NUB1: variants seen among roughly 807,000 people sequenced by gnomAD.
The protein encoded by NUB1 is negative regulator of ubiquitin like proteins 1, also known as NEDD8 ultimate buster 1.
NUB1 carries 41 observed loss-of-function variants against 77.1 expected under a neutral mutation model. The observed-to-expected ratio is 0.53, with a 90% CI of 0.41 to 0.69. The LOEUF (loss-of-function observed/expected upper bound fraction) is 0.69. NUB1 is among the 30% of genes least tolerant of loss of function. NUB1 has a pLI of 0.00. For synonymous variants in NUB1, 257 were observed against 281.0 expected, an observed-to-expected ratio of 0.91 and a Z score of 0.85; for missense variants, 643 against 743.8, an observed-to-expected ratio of 0.86 and a Z score of 1.58.
Position 151,375,834 on chromosome 7 carries a change from C to A in NUB1, c.1396-14C>A, listed in dbSNP as rs1223156586. ...TTCTTAGTGATGGGTAAAGGGTGTT[C>A]CTGTGTGTTTTAGATTCTGCTCAGC... On this transcript the variant is annotated splice_polypyrimidine_tract_variant and intron_variant, in intron 12 of 14. Coordinates refer to ENST00000568733, the MANE Select transcript of NUB1 (RefSeq NM_001243351.2). 4 of 1,558,926 alleles carry A rather than the reference C, an allele frequency of 2.6e-6. No individual in the cohort carries two copies. In the South Asian group the frequency reaches 3.3e-5, roughly 13 times the overall value.
intron 3 of NUB1, among the ~76,000 whole-genome samples, chr7:151,349,858 G>T (rs1796701566): frequency 1.3e-5 from 2 of 152,246 alleles, no homozygotes; most frequent in South Asian, 4.1e-4. Context: ...ACAAGACAAA[G>T]AGATAGAAGA....
intron 7 of NUB1, among the ~76,000 whole-genome samples, chr7:151,357,703 T>A (rs1377381055): frequency 6.6e-6 from 1 of 150,858 alleles, no homozygotes; most frequent in African/African-American, 2.4e-5. Flanking sequence ...TTCGCCTCCC[T>A]GGTTCAAGCA....
At chr7:151,376,839 T>C (rs1220843244) in intron 14 of NUB1, 28 bp downstream of exon 14, 2 of 1,552,366 alleles carry the variant, frequency 1.3e-6, no homozygotes, top group South Asian at 1.2e-5. Context: ...GAGGGCCGCA[T>C]TGAGAGCAAA....
chr7:151,363,354 A>G (rs1797477257), intron 8 of NUB1, among the ~76,000 whole-genome samples: 1 of 152,214 alleles, frequency 6.6e-6, no homozygotes, highest in African/African-American at 2.4e-5. Flanking sequence ...TGAAAAGTAC[A>G]TTAGGTGGGA....
chr7:151,355,627 C>A, intron 5 of NUB1, 141 bp from the exon 6 acceptor site: 1 of 786,342 alleles, frequency 1.3e-6, no homozygotes, highest in Non-Finnish European at 2.0e-6. Flanking sequence ...GAGCCATGAT[C>A]GTGTCACTGC....
intron 11 of NUB1, 129 bp downstream of exon 11, chr7:151,369,016 T>A (rs1033540156): frequency 5.4e-6 from 6 of 1,106,496 alleles, no homozygotes; most frequent in Non-Finnish European, 7.4e-6. Flanking sequence ...CTTGTCCTTT[T>A]TTTTTTCTTG....
At chr7:151,343,889 T>G (rs1260424417) in intron 1 of NUB1, among the ~76,000 whole-genome samples, 1 of 151,980 alleles carries the variant, frequency 6.6e-6, no homozygotes, top group Non-Finnish European at 1.5e-5. Flanking sequence ...AGTGTTAGAT[T>G]TGAATAGTAG....
At chr7:151,342,117 C>G (rs1024139664) in intron 1 of NUB1, among the ~76,000 whole-genome samples, 1 of 152,148 alleles carries the variant, frequency 6.6e-6, no homozygotes, top group Non-Finnish European at 1.5e-5. Flanking sequence ...TTGAGTGTAT[C>G]GGTTTGGGGA....
intron 1 of NUB1, among the ~76,000 whole-genome samples, chr7:151,344,986 C>T (rs926499862): frequency 3.9e-5 from 6 of 151,966 alleles, no homozygotes; most frequent in South Asian, 2.1e-4. Flanking sequence ...GGCGACAGAG[C>T]GAGACTCCGT....
chr7:151,352,362 TG>T (rs1238549507), intron 4 of NUB1: 1 of 303,178 alleles, frequency 3.3e-6, no homozygotes, highest in African/African-American at 2.2e-5. Context: ...TTTATTGTGA[TG>T]TTTGTGAGTC....
rs763671505 is a variant in NUB1, at chr7:151,375,960, T to C, written c.1491+17T>C. 1.3e-6 allele frequency: 2 copies of C among 1,554,582 alleles called. No individual in the cohort carries two copies. The highest frequency in any genetic ancestry group is 1.7e-5 in the Admixed American group (1 of 59,906). On this transcript the variant is annotated intron_variant, in intron 13 of 14. Transcript: ENST00000568733. ...ATTGACCGAGTGAGTGACAGGCCTT[T>C]GTGCCCTCAGCTTGGACAGCCTCGG...
chr7:151,373,728 C>A (rs1299155537), intron 11 of NUB1, among the ~76,000 whole-genome samples: 1 of 152,250 alleles, frequency 6.6e-6, no homozygotes. Context: ...CTACCCGGTT[C>A]CTACCTGGTT....
At chr7:151,369,385 C>T (rs529734937) in intron 11 of NUB1, among the ~76,000 whole-genome samples, 1 of 152,156 alleles carries the variant, frequency 6.6e-6, no homozygotes, top group Non-Finnish European at 1.5e-5. Context: ...TGGTGGCAAA[C>T]GGTCCCCTCT....
rs1295256087 is a variant in NUB1 at position 151,351,481 on chromosome 7, A to G, written c.343A>G (p.Lys115Glu). The G allele has an allele frequency of 6.2e-7, 1 of 1,611,566 alleles. No individual in the cohort carries two copies. The highest frequency in any genetic ancestry group is 8.5e-7 in the Non-Finnish European group (1 of 1,178,172). The change falls in exon 4 of 15, where the codon AAA (lysine) becomes GAA (glutamate). Residue 115 changes from lysine (K) to glutamate (E), a missense_variant and splice_region_variant. Coordinates refer to ENST00000568733, the MANE Select transcript of NUB1 (RefSeq NM_001243351.2). ...CATCACTGGCAGAGAACTGAGGTCC[A>G]AGTAAGTATCTGTGTGCTCTGTGTC... The part of the protein sequence containing the change: ...LHITGRELRS[K>E]IAETFGLQEN...
rs1482927451 is a variant in NUB1 at position 151,374,015 on chromosome 7, G to A, written c.1249-82G>A. The A allele has an allele frequency of 2.4e-4, 349 of 1,429,734 alleles. 1 individual carries two copies. The highest frequency in any genetic ancestry group is 7.5e-5 in the East Asian group (3 of 40,086). The allele number at this position is 1,429,734 out of a possible 1,614,324, so 88.6% of individuals were successfully genotyped here. A position where few individuals can be genotyped will look rare whatever the true frequency, so the allele number is the denominator to read the frequency against. On this transcript the variant is annotated intron_variant, in intron 11 of 14. Coordinates refer to ENST00000568733, the MANE Select transcript of NUB1 (RefSeq NM_001243351.2). ...GTTTTTTGGCTTTGCCTGGAAATGC[G>A]GAGAATCCTGCAGAGCGCAGACTGA...
At chr7:151,346,938 C>CT (rs968913177) in intron 2 of NUB1, among the ~76,000 whole-genome samples, 3 of 152,032 alleles carry the variant, frequency 2.0e-5, no homozygotes, top group Non-Finnish European at 4.4e-5. Context: ...GAAGTTAGGG[C>CT]TTTTTTGTGG....
intron 11 of NUB1, 92 bp downstream of exon 11, chr7:151,368,979 T>C (rs1052863090): frequency 7.7e-7 from 1 of 1,297,266 alleles, no homozygotes; most frequent in African/African-American, 1.5e-5. Context: ...AACTCTTTAT[T>C]ACTCCAGATT....
Position 151,368,819 on chromosome 7 carries a change from C to G in NUB1, c.1180C>G (p.Arg394Gly), listed in dbSNP as rs768328041. The change falls in exon 11 of 15, where the codon CGG becomes GGG. Residue 394 changes from arginine (R) to glycine (G), a missense_variant. By Grantham distance (125) the Arg-to-Gly change is moderately radical. Transcript: ENST00000568733. ...LQLGFTAQEARLGLRACDGNV... is the reference protein window; with the variant it reads ...LQLGFTAQEAGLGLRACDGNV... The stretch of plus-strand genomic sequence containing the variant: ...GTTGGGGTTTACTGCCCAGGAAGCC[C>G]GGCTTGGCCTGAGGGCGTGTGATGG... 14 of 1,614,010 alleles carry G rather than the reference C, an allele frequency of 8.7e-6. No individual in the cohort carries two copies. The East Asian group carries it at 2.7e-4, about 31-fold the overall frequency.
At chr7:151,368,708 A>G (rs1797816533) in intron 10 of NUB1, 27 bp from the exon 11 acceptor site, 1 of 1,582,070 alleles carries the variant, frequency 6.3e-7, no homozygotes, top group African/African-American at 1.4e-5. Context: ...CCGTGGTTAC[A>G]TGATTCTTAC....
Sources: allele counts gnomAD v4.1 joint callset (sites outside exome capture counted in the v4.1 genomes callset), GRCh38; gene constraint gnomAD v4.1.1; transcripts MANE v1.5; gene names NCBI Gene and HGNC (gene_info 2026-07-23, HGNC 2026-07-21).